DCBLD1: variants seen among roughly 807,000 people sequenced by gnomAD.
DCBLD1 encodes discoidin, CUB and LCCL domain-containing protein 1.
A neutral mutation model predicts 71.5 loss-of-function variants in DCBLD1; 57 were observed. That is an observed-to-expected ratio of 0.80 (90% CI 0.64 to 0.99). DCBLD1 has a LOEUF of 0.99. DCBLD1 is among the 50% of genes least tolerant of loss of function. DCBLD1 has a pLI of 0.00. For synonymous variants in DCBLD1, 380 were observed against 363.8 expected, an observed-to-expected ratio of 1.04 and a Z score of -0.51; for missense variants, 891 against 923.5, an observed-to-expected ratio of 0.96 and a Z score of 0.46.
intron 1 of DCBLD1, among the ~76,000 whole-genome samples, chr6:117,483,504 A>T (rs1244136755): frequency 6.6e-6 from 1 of 152,058 alleles, no homozygotes; most frequent in Admixed American, 6.5e-5. Flanking sequence ...CGCAAGTTGG[A>T]ATCGTGTGGC....
At chr6:117,558,892 G>T (rs552748926) in intron 14 of DCBLD1, among the ~76,000 whole-genome samples, 2 of 152,108 alleles carry the variant, frequency 1.3e-5, no homozygotes, top group East Asian at 3.9e-4. Flanking sequence ...ACAGTAAACC[G>T]CACTTACCAG....
chr6:117,506,221 G>A (rs886496686), intron 2 of DCBLD1, among the ~76,000 whole-genome samples: 1 of 151,920 alleles, frequency 6.6e-6, no homozygotes, highest in African/African-American at 2.4e-5. Context: ...GGAAACCGAG[G>A]CACAGTGTGA....
rs565367261 is a variant in DCBLD1, at chr6:117,542,008, C to T, written c.1357+983C>T. 3.9e-5 allele frequency among the ~76,000 whole-genome samples: 6 copies of T among 152,178 alleles called. No individual in the cohort carries two copies. The East Asian group carries it at 7.7e-4, about 20-fold the overall frequency. Reference sequence around the variant, plus strand: ...AAATTTTCACTCTTAAAAATAACACCGCTACCGGGCACATTGGCTCATGCC... The same window carrying T: ...AAATTTTCACTCTTAAAAATAACACTGCTACCGGGCACATTGGCTCATGCC... On this transcript the variant is annotated intron_variant, in intron 11 of 14. Transcript: ENST00000338728.
chr6:117,528,031 C>A (rs1360950019), intron 5 of DCBLD1, among the ~76,000 whole-genome samples: 1 of 152,128 alleles, frequency 6.6e-6, no homozygotes, highest in Non-Finnish European at 1.5e-5. Flanking sequence ...TAATTTGTTT[C>A]AGCAATTCTC....
At chr6:117,506,320 A>G (rs1006305629) in intron 2 of DCBLD1, among the ~76,000 whole-genome samples, 13 of 151,984 alleles carry the variant, frequency 8.6e-5, no homozygotes, top group African/African-American at 2.2e-4. Flanking sequence ...CAAGACACCT[A>G]CTCCCACTGC....
chr6:117,555,876 T>G (rs1259993686), intron 14 of DCBLD1, among the ~76,000 whole-genome samples: 1 of 152,170 alleles, frequency 6.6e-6, no homozygotes, highest in Non-Finnish European at 1.5e-5. Context: ...GCTGACAATT[T>G]TATCTATATT....
intron 1 of DCBLD1, among the ~76,000 whole-genome samples, chr6:117,492,877 T>G (rs1183898973): frequency 1.3e-5 from 2 of 152,232 alleles, no homozygotes; most frequent in East Asian, 3.9e-4. Flanking sequence ...AAACCTACGC[T>G]TGCACAAAGC....
Position 117,549,386 on chromosome 6 carries a change from A to G in DCBLD1, c.*947A>G, listed in dbSNP as rs1361484605. 4.1e-6 allele frequency: 4 copies of G among 985,332 alleles called. No individual in the cohort carries two copies. Among genetic ancestry groups the G allele is most frequent in the African/African-American group, 1.7e-5 (1 of 57,240 alleles). The allele number at this position is 985,332 out of a possible 1,614,324, so 61.0% of individuals were successfully genotyped here. On this transcript the variant is annotated 3_prime_UTR_variant, in exon 15 of 15. Coordinates refer to ENST00000338728, the MANE Select transcript of DCBLD1 (RefSeq NM_001366458.2). ...GTCTAAATCGAGCTTTTCTACTGACATGAAACTGTTGGAAACTGATCTCAT... is the reference window on the plus strand; with the variant it reads ...GTCTAAATCGAGCTTTTCTACTGACGTGAAACTGTTGGAAACTGATCTCAT...
At chr6:117,502,129 T>A (rs1777683283) in intron 1 of DCBLD1, among the ~76,000 whole-genome samples, 1 of 152,222 alleles carries the variant, frequency 6.6e-6, no homozygotes, top group Non-Finnish European at 1.5e-5. Context: ...CCTGTAGCGT[T>A]GTCCAGCCAG....
At position 117,496,086 on chromosome 6, in the gene DCBLD1, A is replaced by G. The variant is rs548946377; in HGVS notation, c.113-7681A>G. ...GTGTTTCCTTTTATTTTACTTTCAA[A>G]TGTTTCATCTGCTGAGTCAACAGCA... is the stretch of plus-strand genomic sequence containing the variant. On this transcript the variant is annotated intron_variant, in intron 1 of 14. Coordinates refer to ENST00000338728, the MANE Select transcript of DCBLD1 (RefSeq NM_001366458.2). 5.4e-4 allele frequency among the ~76,000 whole-genome samples: 83 copies of G among 152,316 alleles called. 1 individual carries two copies. The highest frequency in any genetic ancestry group is 1.9e-3 in the African/African-American group (77 of 41,574).
chr6:117,560,405 A>G (rs1000658732), intron 14 of DCBLD1: 1 of 187,290 alleles, frequency 5.3e-6, no homozygotes, highest in Non-Finnish European at 1.1e-5. Context: ...TCATAAATGC[A>G]ATAGATTTGA....
At chr6:117,537,499 A>C (rs372735269) in intron 7 of DCBLD1, among the ~76,000 whole-genome samples, 28 of 150,354 alleles carry the variant, frequency 1.9e-4, no homozygotes, top group South Asian at 4.3e-4. Flanking sequence ...GCGCCACTGC[A>C]CTCCAGCCTG....
intron 1 of DCBLD1, among the ~76,000 whole-genome samples, chr6:117,495,491 T>C (rs529476621): frequency 6.6e-6 from 1 of 152,326 alleles, no homozygotes; most frequent in East Asian, 1.9e-4. Flanking sequence ...TTGGGCACTA[T>C]TGTTGTCTTT....
intron 9 of DCBLD1, 150 bp downstream of exon 9, chr6:117,539,529 G>A: frequency 1.1e-6 from 1 of 875,278 alleles, no homozygotes; most frequent in Non-Finnish European, 1.6e-6. Context: ...GCTTTGGGAA[G>A]CCAAGGCAGG....
intron 5 of DCBLD1, among the ~76,000 whole-genome samples, 166 bp from the exon 6 acceptor site, chr6:117,532,094 T>A (rs1778741756): frequency 1.3e-5 from 2 of 152,216 alleles, no homozygotes; most frequent in African/African-American, 4.8e-5. Flanking sequence ...GCAAGTCACA[T>A]GGTCCAGAGT....
intron 14 of DCBLD1, chr6:117,547,560 T>G (rs1435082158): frequency 5.4e-6 from 3 of 556,076 alleles, no homozygotes; most frequent in Non-Finnish European, 1.1e-5. Context: ...TCGAGGCTGT[T>G]TTTTTCTCCA....
At chr6:117,515,816 G>A (rs903947897) in intron 2 of DCBLD1, among the ~76,000 whole-genome samples, 2 of 152,024 alleles carry the variant, frequency 1.3e-5, no homozygotes, top group Non-Finnish European at 2.9e-5. Flanking sequence ...GAATCTCTTA[G>A]TTGGATTTGG....
chr6:117,484,879 C>T (rs1397424274), intron 1 of DCBLD1: 1 of 152,176 alleles, frequency 6.6e-6, no homozygotes. Flanking sequence ...TGTAGGGCAA[C>T]TGCTTGCCTA....
At chr6:117,566,321 T>G (rs1251596031) in intron 14 of DCBLD1, among the ~76,000 whole-genome samples, 1 of 152,184 alleles carries the variant, frequency 6.6e-6, no homozygotes, top group Non-Finnish European at 1.5e-5. Flanking sequence ...GATCACAATT[T>G]GAGGACCACT....
Sources: allele counts gnomAD v4.1 joint callset (sites outside exome capture counted in the v4.1 genomes callset), GRCh38; gene constraint gnomAD v4.1.1; transcripts MANE v1.5; gene names NCBI Gene and HGNC (gene_info 2026-07-23, HGNC 2026-07-21).